The following UNC119B variants were observed in gnomAD, a reference collection of about 807,000 sequenced individuals.
UNC119B encodes the protein unc-119 lipid binding chaperone B.
A neutral mutation model predicts 23.4 loss-of-function variants in UNC119B; 16 were observed. The ratio of observed to expected loss-of-function variants is 0.68; its 90% confidence interval spans 0.46 to 1.04. UNC119B has a LOEUF of 1.04. UNC119B is among the 50% of genes least tolerant of loss of function. The pLI, the probability that UNC119B is intolerant of heterozygous loss-of-function variation, is 0.00. For missense variants in UNC119B, 350 were observed against 361.3 expected, an observed-to-expected ratio of 0.97 and a Z score of 0.25; for synonymous variants, 144 against 145.4, an observed-to-expected ratio of 0.99 and a Z score of 0.07.
In UNC119B at chr12:120,713,170, G is replaced by A. The variant is rs926157640; in HGVS notation, c.245-104G>A. 9 of 901,284 alleles carry A rather than the reference G, an allele frequency of 1.0e-5. No homozygotes were observed. The African/African-American group carries it at 1.5e-4, about 15-fold the overall frequency. 55.8% of individuals were successfully genotyped at this position (901,284 alleles called of 1,614,324 possible). On this transcript the variant is annotated intron_variant, in intron 1 of 4. Coordinates refer to ENST00000344651, the MANE Select transcript of UNC119B (RefSeq NM_001080533.3). ...AAGTTTTTGGGAGTATTTTAAGTGT[G>A]TTGTGTAAGAAAAAATCTGAGTTTG...
intron 2 of UNC119B, 145 bp downstream of exon 2, chr12:120,713,532 G>GC: frequency 1.6e-6 from 1 of 631,240 alleles, no homozygotes; most frequent in Non-Finnish European, 2.8e-6. Context: ...GGTCTGCCAG[G>GC]CATGGTGGTT....
intron 1 of UNC119B, 157 bp downstream of exon 1, chr12:120,710,875 C>T: frequency 1.6e-6 from 1 of 640,272 alleles, no homozygotes; most frequent in Non-Finnish European, 2.2e-6. Context: ...GGCTTTGCTC[C>T]CGCCACGCTC....
intron 4 of UNC119B, among the ~76,000 whole-genome samples, chr12:120,719,069 CA>C (rs1229481125): frequency 1.3e-5 from 2 of 152,168 alleles, no homozygotes; most frequent in Non-Finnish European, 2.9e-5. Flanking sequence ...TTGGTGGGTT[CA>C]AAGAACTTTA....
In UNC119B at chr12:120,720,647, T is replaced by C. The variant is rs937649995; in HGVS notation, c.*615T>C. The C allele has an allele frequency of 1.3e-5, 2 of 152,460 alleles. No homozygotes were observed. The highest frequency in any genetic ancestry group is 1.3e-4 in the Admixed American group (2 of 15,280). 9.4% of individuals were successfully genotyped at this position (152,460 alleles called of 1,614,324 possible). ...GTCTGCTTTGTGGAGAGGCTGCTGC[T>C]CTGTCTGACTTCCAGGGTCTCAGCC... On this transcript the variant is annotated 3_prime_UTR_variant, in exon 5 of 5. Coordinates refer to ENST00000344651, the MANE Select transcript of UNC119B (RefSeq NM_001080533.3).
In UNC119B at chr12:120,721,826, T is replaced by C. The variant is rs696338; in HGVS notation, c.*1794T>C. 0.038 allele frequency: 5,827 copies of C among 152,776 alleles called. 232 individuals are homozygous for C. The highest frequency in any genetic ancestry group is 0.091 in the African/African-American group (3,789 of 41,554). The allele number at this position is 152,776 out of a possible 1,614,324, so 9.5% of individuals were successfully genotyped here. On this transcript the variant is annotated 3_prime_UTR_variant, in exon 5 of 5. Transcript: ENST00000344651. ...GCCTTACGTGTGGCTCTGTCCCTTA[T>C]GCTGCAGGGGAAAGCTGCATTGCCA...
In UNC119B at chr12:120,716,916, A is replaced by T. The variant is rs1882792106; in HGVS notation, c.517A>T (p.Ile173Phe). 1.2e-6 allele frequency: 2 copies of T among 1,613,578 alleles called. No individual in the cohort carries two copies. The highest frequency in any genetic ancestry group is 1.7e-6 in the Non-Finnish European group (2 of 1,179,720). The part of the protein sequence containing the change: ...GDKPVSNFRM[I>F]ERHYFREHLL... ...CAAACCTGTTTCAAACTTCCGGATG[A>T]TCGAACGGCACTATTTCCGGGAACA... Residue 173 changes from isoleucine to phenylalanine, a missense_variant, in exon 4 of 5, where the codon ATC becomes TTC. Ile to Phe is a conservative substitution (Grantham distance 21). Transcript: ENST00000344651.
intron 2 of UNC119B, among the ~76,000 whole-genome samples, chr12:120,715,421 T>TA (rs753565022): frequency 5.3e-5 from 8 of 152,104 alleles, no homozygotes; most frequent in Non-Finnish European, 8.8e-5. Flanking sequence ...AGTCTTCTCT[T>TA]ATGTTGTACT....
intron 4 of UNC119B, among the ~76,000 whole-genome samples, chr12:120,718,989 T>C (rs966261763): frequency 2.0e-5 from 3 of 152,246 alleles, no homozygotes; most frequent in Non-Finnish European, 2.9e-5. Flanking sequence ...TATAGTGTTA[T>C]AAGTTTTACC....
At chr12:120,711,795 T>G (rs547469293) in intron 1 of UNC119B, 1 of 152,224 alleles carries the variant, frequency 6.6e-6, no homozygotes, top group Admixed American at 6.5e-5. Context: ...GGATGGAAAT[T>G]TGGGGGGAGT....
At chr12:120,710,978 A>T in intron 1 of UNC119B, 1 of 306,076 alleles carries the variant, frequency 3.3e-6, no homozygotes, top group Non-Finnish European at 5.9e-6. Context: ...TCGGCTCCCC[A>T]GCTCTGCCGG....
At chr12:120,715,055 G>C (rs548310972) in intron 2 of UNC119B, among the ~76,000 whole-genome samples, 1 of 152,248 alleles carries the variant, frequency 6.6e-6, no homozygotes, top group South Asian at 2.1e-4. Context: ...GCCAGGCGTG[G>C]TGGCACATGC....
intron 2 of UNC119B, 124 bp from the exon 3 acceptor site, chr12:120,716,504 T>C: frequency 1.0e-6 from 1 of 983,430 alleles, no homozygotes; most frequent in South Asian, 1.3e-5. Context: ...CAGTAAACAC[T>C]GGCCATTCTT....
chr12:120,710,585 C>G lies in UNC119B; in HGVS notation c.111C>G (p.Arg37=). Reference sequence around the variant, plus strand: ...AGGCGGGCGGCGGCGTCCTGAACCGCCTGAAGGCGCGGCGGCAGGCGCCCC... The same window carrying G: ...AGGCGGGCGGCGGCGTCCTGAACCGGCTGAAGGCGCGGCGGCAGGCGCCCC... ...KKKAGGGVLN[R]LKARRQAPHH... is the part of the protein sequence containing the mutation. Residue 37 remains arginine, a synonymous_variant, in exon 1 of 5, where the codon CGC becomes CGG. Transcript: ENST00000344651. 1 of 1,426,886 alleles carries G rather than the reference C, an allele frequency of 7.0e-7. No homozygotes were observed. The highest frequency in any genetic ancestry group is 9.1e-7 in the Non-Finnish European group (1 of 1,095,610). 88.4% of individuals were successfully genotyped at this position (1,426,886 alleles called of 1,614,324 possible).
At chr12:120,716,251 T>C (rs1030654154) in intron 2 of UNC119B, among the ~76,000 whole-genome samples, 1 of 152,192 alleles carries the variant, frequency 6.6e-6, no homozygotes, top group African/African-American at 2.4e-5. Flanking sequence ...CCTTAGGATA[T>C]GGCATAAGCT....
chr12:120,715,823 G>A (rs1185675141), intron 2 of UNC119B, among the ~76,000 whole-genome samples: 2 of 152,116 alleles, frequency 1.3e-5, no homozygotes, highest in South Asian at 2.1e-4. Flanking sequence ...ATGAGCCACC[G>A]TGCCCAGCCC....
rs1359152277 is a variant in UNC119B, at chr12:120,721,465, T to C, written c.*1433T>C. The C allele has an allele frequency of 6.6e-6, 1 of 151,764 alleles. No individual in the cohort carries two copies. Among genetic ancestry groups the C allele is most frequent in the African/African-American group, 2.4e-5 (1 of 41,270 alleles). 9.4% of individuals were successfully genotyped at this position (151,764 alleles called of 1,614,324 possible). ...TGTCACAGTACCTGTGACAGGAGAG[T>C]GTCCTGATGTGCTTGGGAGAAAGGC... On this transcript the variant is annotated 3_prime_UTR_variant, in exon 5 of 5. Coordinates refer to ENST00000344651, the MANE Select transcript of UNC119B (RefSeq NM_001080533.3).
intron 2 of UNC119B, among the ~76,000 whole-genome samples, chr12:120,714,808 GA>G (rs931588021): frequency 5.3e-5 from 8 of 152,276 alleles, no homozygotes; most frequent in African/African-American, 1.9e-4. Flanking sequence ...ACTGTTTCAA[GA>G]AGGTCAGCTG....
chr12:120,714,565 G>A (rs78321022), intron 2 of UNC119B, among the ~76,000 whole-genome samples: 5,215 of 152,214 alleles, frequency 0.034, 108 homozygotes, highest in South Asian at 0.062. Context: ...TGATTCGCCT[G>A]CCTTGGTCTC....
intron 1 of UNC119B, 163 bp downstream of exon 1, chr12:120,710,881 C>A (rs1367288374): frequency 1.7e-6 from 1 of 597,960 alleles, no homozygotes; most frequent in African/African-American, 1.9e-5. Flanking sequence ...GCTCCCGCCA[C>A]GCTCACGTAG....
Sources: allele counts gnomAD v4.1 joint callset (sites outside exome capture counted in the v4.1 genomes callset), GRCh38; gene constraint gnomAD v4.1.1; transcripts MANE v1.5; gene names NCBI Gene and HGNC (gene_info 2026-07-23, HGNC 2026-07-21).